RAD51B: variants seen among roughly 807,000 people sequenced by gnomAD.
The protein encoded by RAD51B is RAD51 paralog B.
Under a neutral mutation model 42.2 loss-of-function variants are expected in RAD51B, and 38 were observed. The ratio of observed to expected loss-of-function variants is 0.90; its 90% CI spans 0.70 to 1.18. The LOEUF (loss-of-function observed/expected upper bound fraction) is 1.18. Ranked by LOEUF, RAD51B falls within the 50% of genes most tolerant of loss-of-function variation. The pLI is 0.00. For missense variants in RAD51B, 373 were observed against 400.7 expected, an observed-to-expected ratio of 0.93 and a Z score of 0.59; for synonymous variants, 154 against 145.2, an observed-to-expected ratio of 1.06 and a Z score of -0.43.
chr14:68,170,868 TA>T, intron 7 of RAD51B, among the ~76,000 whole-genome samples: 1 of 152,312 alleles, frequency 6.6e-6, no homozygotes, highest in East Asian at 1.9e-4. Flanking sequence ...TTTCTGAACA[TA>T]AAATGTTGAT....
intron 7 of RAD51B, among the ~76,000 whole-genome samples, chr14:67,951,882 T>C (rs1009424571): frequency 6.6e-6 from 1 of 152,158 alleles, no homozygotes; most frequent in Non-Finnish European, 1.5e-5. Context: ...TTTTCTAGCA[T>C]ATGGAAACAT....
intron 8 of RAD51B, among the ~76,000 whole-genome samples, chr14:68,378,010 T>G (rs1465219445): frequency 6.6e-6 from 1 of 152,244 alleles, no homozygotes; most frequent in Non-Finnish European, 1.5e-5. Context: ...TTCTGAAACT[T>G]AATCTTAGGT....
intron 10 of RAD51B, chr14:68,540,433 C>T: frequency 1.0e-6 from 1 of 985,240 alleles, no homozygotes; most frequent in Non-Finnish European, 1.2e-6. Context: ...CAATTTGATT[C>T]ACTTGCCACC....
chr14:68,050,165 C>A (rs1030043678), intron 7 of RAD51B, among the ~76,000 whole-genome samples: 2 of 152,058 alleles, frequency 1.3e-5, no homozygotes, highest in African/African-American at 4.8e-5. Flanking sequence ...TTTATGGAAG[C>A]CATTTTTCCC....
At chr14:68,186,883 A>G (rs7154205) in intron 7 of RAD51B, among the ~76,000 whole-genome samples, 3 of 152,108 alleles carry the variant, frequency 2.0e-5, no homozygotes, top group Admixed American at 1.3e-4. Flanking sequence ...ATAGAAAACA[A>G]ATTTTTCTAC....
At chr14:68,534,605 G>C (rs1025893130) in intron 10 of RAD51B, among the ~76,000 whole-genome samples, 1 of 152,274 alleles carries the variant, frequency 6.6e-6, no homozygotes, top group African/African-American at 2.4e-5. Context: ...TCAGGTTTTG[G>C]TGAAGGCGCG....
At chr14:67,859,367 G>C (rs1229280982) in intron 4 of RAD51B, among the ~76,000 whole-genome samples, 1 of 152,202 alleles carries the variant, frequency 6.6e-6, no homozygotes, top group Non-Finnish European at 1.5e-5. Flanking sequence ...ACATGTATAG[G>C]TCAGAGCGGA....
At chr14:68,314,287 C>T (rs1053884347) in intron 8 of RAD51B, among the ~76,000 whole-genome samples, 2 of 152,104 alleles carry the variant, frequency 1.3e-5, no homozygotes, top group Non-Finnish European at 2.9e-5. Flanking sequence ...CCCCCTACCC[C>T]TCTGACCCCT....
intron 7 of RAD51B, among the ~76,000 whole-genome samples, 187 bp from the exon 8 acceptor site, chr14:68,291,697 G>A (rs1204169269): frequency 6.6e-6 from 1 of 152,182 alleles, no homozygotes; most frequent in African/African-American, 2.4e-5. Context: ...ATAACTGCTA[G>A]GCCTTGCCAG....
Position 68,058,510 on chromosome 14 carries a change from T to G in RAD51B, c.756+171306T>G, listed in dbSNP as rs966702854. Among the ~76,000 whole-genome samples the G allele has an allele frequency of 2.0e-5, 3 of 152,314 alleles. No homozygotes were observed. In the East Asian group the frequency reaches 5.8e-4, roughly 29 times the overall value. On this transcript the variant is annotated intron_variant, in intron 7 of 10. Transcript: ENST00000471583. ...GATAATCTGTGCACAAACAAGCATG[T>G]GTAGGCATATCTGTTTTTCTTGTAC...
intron 10 of RAD51B, among the ~76,000 whole-genome samples, chr14:68,483,613 A>G (rs1300061762): frequency 6.6e-6 from 1 of 152,198 alleles, no homozygotes; most frequent in East Asian, 1.9e-4. Flanking sequence ...TTCCATTTCC[A>G]TTCTGCCGCT....
At chr14:68,055,299 A>G (rs1316272915) in intron 7 of RAD51B, among the ~76,000 whole-genome samples, 1 of 152,148 alleles carries the variant, frequency 6.6e-6, no homozygotes, top group Non-Finnish European at 1.5e-5. Flanking sequence ...TTTTAAACCT[A>G]TTTTTAGAAC....
intron 10 of RAD51B, among the ~76,000 whole-genome samples, chr14:68,624,422 G>A (rs962836458): frequency 2.6e-5 from 4 of 152,176 alleles, no homozygotes; most frequent in African/African-American, 9.7e-5. Context: ...AGGGAGTGAG[G>A]CCTGCCAATC....
At chr14:67,859,588 T>TAATTA (rs2042098982) in intron 4 of RAD51B, among the ~76,000 whole-genome samples, 1 of 152,218 alleles carries the variant, frequency 6.6e-6, no homozygotes, top group African/African-American at 2.4e-5. Context: ...TTAATGAACA[T>TAATTA]GTGGGACAGG....
chr14:68,461,293 C>T (rs1234745901), intron 9 of RAD51B, among the ~76,000 whole-genome samples: 2 of 148,670 alleles, frequency 1.3e-5, no homozygotes, highest in South Asian at 4.2e-4. Flanking sequence ...GATACCCTGT[C>T]CAGCTCCCTT....
chr14:68,467,854 A>G (rs2086022370), intron 9 of RAD51B, among the ~76,000 whole-genome samples: 1 of 152,244 alleles, frequency 6.6e-6, no homozygotes, highest in Non-Finnish European at 1.5e-5. Flanking sequence ...GAATCAAGCT[A>G]GGTTTATTTT....
chr14:68,645,072 C>T (rs1892538094), intron 10 of RAD51B, among the ~76,000 whole-genome samples: 1 of 152,166 alleles, frequency 6.6e-6, no homozygotes. Context: ...TATTATTGTG[C>T]AACCATCACC....
intron 10 of RAD51B, among the ~76,000 whole-genome samples, chr14:68,474,427 ATCTC>A (rs1417479364): frequency 6.6e-6 from 1 of 152,180 alleles, no homozygotes; most frequent in African/African-American, 2.4e-5. Context: ...GCAAAACCCC[ATCTC>A]TCTCTATCTT....
At chr14:67,840,808 T>A (rs1352556037) in intron 4 of RAD51B, among the ~76,000 whole-genome samples, 1 of 64,770 alleles carries the variant, frequency 1.5e-5, no homozygotes, top group Non-Finnish European at 3.7e-5. Flanking sequence ...TTTTTTGACT[T>A]TTTTTTTTTT....
Sources: allele counts gnomAD v4.1 joint callset (sites outside exome capture counted in the v4.1 genomes callset), GRCh38; gene constraint gnomAD v4.1.1; transcripts MANE v1.5; gene names NCBI Gene and HGNC (gene_info 2026-07-23, HGNC 2026-07-21).